Variants in CCDC149 observed in about 807,000 individuals in gnomAD.
CCDC149 encodes the protein coiled-coil domain-containing protein 149.
In CCDC149, 45 loss-of-function variants were observed where a neutral mutation model predicts 59.9. The observed-to-expected ratio is 0.75, with a 90% CI of 0.59 to 0.96. The LOEUF (loss-of-function observed/expected upper bound fraction) is 0.96, where lower values mean the gene tolerates loss of function less well. Among genes scored for constraint, CCDC149 ranks in the 40% least tolerant of loss-of-function variants. The probability of loss-of-function intolerance (pLI) is 0.00; values close to 1 mark genes in which losing one functional copy is unlikely to be tolerated. For missense variants in CCDC149, 584 were observed against 664.7 expected, an observed-to-expected ratio of 0.88 and a Z score of 1.33; for synonymous variants, 245 against 260.6, an observed-to-expected ratio of 0.94 and a Z score of 0.58.
chr4:24,804,192 CAA>C (rs1370874977), downstream of CCDC149, among the ~76,000 whole-genome samples: 1 of 151,860 alleles, frequency 6.6e-6, no homozygotes, highest in Non-Finnish European at 1.5e-5. Context: ...CTCTCTTTTT[CAA>C]AAAGAAGGAG....
intron 3 of CCDC149, among the ~76,000 whole-genome samples, chr4:24,863,871 G>A (rs1467421312): frequency 2.0e-5 from 3 of 152,254 alleles, no homozygotes. Context: ...TTAAGATTGT[G>A]AGGTTCAGCT....
intron 1 of CCDC149, among the ~76,000 whole-genome samples, chr4:24,951,281 C>T (rs1055741920): frequency 1.3e-5 from 2 of 152,226 alleles, no homozygotes; most frequent in African/African-American, 4.8e-5. Flanking sequence ...AATCATGCAT[C>T]CCCTCTCATT....
intron 4 of CCDC149, among the ~76,000 whole-genome samples, chr4:24,845,855 G>A (rs1294020246): frequency 6.6e-6 from 1 of 152,216 alleles, no homozygotes; most frequent in African/African-American, 2.4e-5. Context: ...CTGAATCACT[G>A]TCAGATAGTT....
intron 12 of CCDC149, among the ~76,000 whole-genome samples, chr4:24,811,642 G>A (rs551189785): frequency 9.1e-4 from 139 of 152,258 alleles, no homozygotes; most frequent in African/African-American, 3.0e-3. Context: ...GGAAGCTGAG[G>A]CGGGCGGATC....
At chr4:24,934,711 C>G (rs1722690361) in intron 1 of CCDC149, among the ~76,000 whole-genome samples, 1 of 152,174 alleles carries the variant, frequency 6.6e-6, no homozygotes, top group Non-Finnish European at 1.5e-5. Context: ...GGTTGAGCCA[C>G]AGCAAAGATG....
rs1560249602 is a variant in CCDC149, at chr4:24,906,406, T to TTTTATTTTATTTTATTTTATTTTATTTTA, written c.63+6410_63+6411insTAAAATAAAATAAAATAAAATAAAATAAA. Among the ~76,000 whole-genome samples the TTTTATTTTATTTTATTTTATTTTATTTTA allele has an allele frequency of 2.1e-4, 31 of 145,982 alleles. 1 individual carries two copies. The highest frequency in any genetic ancestry group is 3.5e-3 in the Middle Eastern group (1 of 288). On this transcript the variant is annotated intron_variant, in intron 1 of 12. Coordinates refer to ENST00000635206, the MANE Select transcript of CCDC149 (RefSeq NM_001330643.2). Reference sequence around the variant, plus strand: ...TTTTATTTTATTTTATTTTATTTTATTTTACTTTATTTGAGACAGAGTTTC... The same window carrying TTTTATTTTATTTTATTTTATTTTATTTTA: ...TTTTATTTTATTTTATTTTATTTTATTTTATTTTATTTTATTTTATTTTATTTTATTTACTTTATTTGAGACAGAGTTTC...
intron 8 of CCDC149, among the ~76,000 whole-genome samples, chr4:24,832,374 C>G (rs1191701766): frequency 6.6e-6 from 1 of 152,200 alleles, no homozygotes; most frequent in East Asian, 1.9e-4. Flanking sequence ...CTGCAAATAT[C>G]TAAATATTGG....
chr4:24,915,179 G>A (rs553103390), upstream of CCDC149, among the ~76,000 whole-genome samples: 1 of 152,232 alleles, frequency 6.6e-6, no homozygotes, highest in African/African-American at 2.4e-5. Flanking sequence ...TTAACTCAGT[G>A]CCAAGCACTT....
chr4:24,901,635 C>T (rs1721175544), intron 1 of CCDC149, among the ~76,000 whole-genome samples: 1 of 152,184 alleles, frequency 6.6e-6, no homozygotes, highest in South Asian at 2.1e-4. Context: ...ATGAAGATAG[C>T]TGCTCATCGA....
intron 1 of CCDC149, among the ~76,000 whole-genome samples, chr4:24,941,628 A>G (rs939015783): frequency 2.0e-4 from 31 of 152,270 alleles, no homozygotes; most frequent in African/African-American, 7.0e-4. Flanking sequence ...TGAAAAGATC[A>G]ACAAAATTGA....
rs1249266105 is a variant in CCDC149 at position 24,954,013 on chromosome 4, GA to G, written c.-65+26055del. Among the ~76,000 whole-genome samples the G allele has an allele frequency of 9.3e-3, 1,375 of 147,230 alleles. 18 individuals are homozygous for G. Among genetic ancestry groups the G allele is most frequent in the African/African-American group, 0.032 (1,301 of 40,220 alleles). Reference sequence around the variant, plus strand: ...CTGAGGAACAGAAAGAAAAAAGATGGAAAAAAAAAAGTGAACAAAGCCTAAA... The same window carrying G: ...CTGAGGAACAGAAAGAAAAAAGATGGAAAAAAAAAGTGAACAAAGCCTAAA... On this transcript the variant is annotated intron_variant, in intron 1 of 12. Transcript: ENST00000389609.
intron 1 of CCDC149, among the ~76,000 whole-genome samples, chr4:24,977,798 C>G (rs536295197): frequency 5.3e-5 from 8 of 152,262 alleles, no homozygotes; most frequent in African/African-American, 1.9e-4. Context: ...TTTTGAAATT[C>G]AAAAGCTCAA....
rs1300082013 is a variant in CCDC149, at chr4:24,961,051, A to G, written c.-65+19018T>C. On this transcript the variant is annotated intron_variant, in intron 1 of 12. Coordinates refer to the CCDC149 transcript ENST00000389609. ...TCACCCAACATAGATCTGAACAGCA[A>G]TAGAATACACATTCTTCTCAAATGC... 2.0e-5 allele frequency among the ~76,000 whole-genome samples: 3 copies of G among 152,244 alleles called. No homozygotes were observed. The East Asian group carries it at 5.8e-4, about 29-fold the overall frequency.
intron 1 of CCDC149, among the ~76,000 whole-genome samples, chr4:24,954,934 C>T (rs1026998731): frequency 2.0e-5 from 3 of 152,158 alleles, no homozygotes; most frequent in African/African-American, 7.2e-5. Context: ...TTTAAAATTT[C>T]TACATTCTGC....
intron 8 of CCDC149, among the ~76,000 whole-genome samples, chr4:24,832,032 G>A (rs980316786): frequency 3.3e-5 from 5 of 152,188 alleles, no homozygotes; most frequent in African/African-American, 1.2e-4. Flanking sequence ...ATTGGCTGAA[G>A]GTCACACAGC....
At chr4:24,804,453 T>C (rs1192091084), downstream of CCDC149, among the ~76,000 whole-genome samples, 4 of 135,832 alleles carry the variant, frequency 2.9e-5, no homozygotes, top group East Asian at 2.2e-4. Context: ...ATCATGCCAC[T>C]GCACTCCACC....
chr4:24,897,978 A>T (rs902877416), intron 1 of CCDC149, among the ~76,000 whole-genome samples: 1 of 152,204 alleles, frequency 6.6e-6, no homozygotes, highest in African/African-American at 2.4e-5. Flanking sequence ...GCAAATTGGA[A>T]CTGGCTAGTG....
intron 1 of CCDC149, among the ~76,000 whole-genome samples, chr4:24,948,176 C>G (rs931557496): frequency 2.0e-5 from 3 of 152,084 alleles, no homozygotes; most frequent in Admixed American, 6.5e-5. Context: ...CTTAGAGAAG[C>G]GTGTGACTCT....
chr4:24,854,992 G>A (rs1245869673), intron 3 of CCDC149, among the ~76,000 whole-genome samples: 1 of 152,008 alleles, frequency 6.6e-6, no homozygotes, highest in Non-Finnish European at 1.5e-5. Context: ...CTTTTTTTCT[G>A]GAGCACTTGC....
Sources: gnomAD v4.1 joint callset for allele counts (sites outside exome capture counted in the v4.1 genomes callset) on GRCh38, gnomAD v4.1.1 for gene constraint, MANE v1.5 for transcripts, NCBI Gene and HGNC (gene_info 2026-07-23, HGNC 2026-07-21) for gene names.